Variants in RASGRP3 observed in about 807,000 individuals in gnomAD.
The protein encoded by RASGRP3 is ras guanyl-releasing protein 3.
A neutral mutation model predicts 82.7 loss-of-function variants in RASGRP3; 54 were observed. The observed-to-expected ratio is 0.65, with a 90% confidence interval of 0.52 to 0.82. The LOEUF (loss-of-function observed/expected upper bound fraction) is 0.82, where lower values mean the gene tolerates loss of function less well. RASGRP3 is among the 40% of genes least tolerant of loss of function. The probability of loss-of-function intolerance (pLI) is 0.00; values close to 1 mark genes in which losing one functional copy is unlikely to be tolerated. For missense variants in RASGRP3, 861 were observed against 828.9 expected (o/e 1.04, Z -0.48); for synonymous variants, 309 against 300.5 (o/e 1.03, Z -0.29).
chr2:33,511,204 C>G (rs1246158639), intron 1 of RASGRP3, among the ~76,000 whole-genome samples: 1 of 152,112 alleles, frequency 6.6e-6, no homozygotes, highest in Non-Finnish European at 1.5e-5. Flanking sequence ...CAGAGAGTAC[C>G]TATCAACACC....
intron 1 of RASGRP3, among the ~76,000 whole-genome samples, chr2:33,510,351 A>G (rs1250955073): frequency 1.3e-5 from 2 of 152,232 alleles, no homozygotes; most frequent in Non-Finnish European, 2.9e-5. Context: ...TTCTAGAGCC[A>G]AGAGAAAGCT....
intron 2 of RASGRP3, among the ~76,000 whole-genome samples, chr2:33,450,240 G>A (rs942622654): frequency 5.3e-5 from 8 of 152,030 alleles, no homozygotes; most frequent in African/African-American, 1.9e-4. Context: ...CATTATTTTT[G>A]TGGTGAGAAC....
intron 15 of RASGRP3, among the ~76,000 whole-genome samples, chr2:33,556,795 GA>G (rs1388613474): frequency 2.6e-5 from 4 of 151,300 alleles, no homozygotes; most frequent in Admixed American, 6.6e-5. Context: ...GTCTAACTTA[GA>G]TTTTTACTTT....
At chr2:33,531,727 A>G (rs1318348913) in intron 10 of RASGRP3, 2 of 152,192 alleles carry the variant, frequency 1.3e-5, no homozygotes, top group Non-Finnish European at 2.9e-5. Flanking sequence ...AAACATTTCC[A>G]TCGCTGAGCC....
At chr2:33,502,672 C>A (rs769824346) in intron 1 of RASGRP3, among the ~76,000 whole-genome samples, 5 of 151,872 alleles carry the variant, frequency 3.3e-5, no homozygotes, top group Admixed American at 6.6e-5. Flanking sequence ...ACCACCACAC[C>A]CAGCTAATTT....
rs62148986 is a variant in RASGRP3 at position 33,524,986 on chromosome 2, C to T, written c.807+438C>T. Among the ~76,000 whole-genome samples the T allele has an allele frequency of 7.7e-4, 115 of 148,446 alleles. 1 individual carries two copies. Among genetic ancestry groups the T allele is most frequent in the Admixed American group, 1.3e-3 (19 of 14,414 alleles). On this transcript the variant is annotated intron_variant, in intron 9 of 17. Transcript: ENST00000403687. ...GTCCCAGTTACTGGGGAGGCTGAGG[C>T]AGGAGAATGGCATGAACCTGGGAGG...
At chr2:33,561,777 G>A (rs1174352583) in intron 17 of RASGRP3, among the ~76,000 whole-genome samples, 2 of 152,146 alleles carry the variant, frequency 1.3e-5, no homozygotes, top group African/African-American at 4.8e-5. Flanking sequence ...CTCCAACGGA[G>A]TTCCAGGATT....
chr2:33,513,117 A>G (rs1338005024), intron 2 of RASGRP3, among the ~76,000 whole-genome samples: 1 of 152,212 alleles, frequency 6.6e-6, no homozygotes, highest in African/African-American at 2.4e-5. Flanking sequence ...TTCACAAATC[A>G]TTTCAGCAGC....
chr2:33,558,162 A>C (rs899111649), intron 15 of RASGRP3, 49 bp from the exon 16 acceptor site: 1 of 1,586,136 alleles, frequency 6.3e-7, no homozygotes, highest in Admixed American at 1.8e-5. Context: ...TGGAAACTGA[A>C]TCAACATCAG....
At chr2:33,548,286 G>A (rs1450897940) in intron 13 of RASGRP3, among the ~76,000 whole-genome samples, 1 of 150,502 alleles carries the variant, frequency 6.6e-6, no homozygotes, top group Non-Finnish European at 1.5e-5. Flanking sequence ...GCGTGAACCT[G>A]GGAGGCGGAG....
At position 33,549,608 on chromosome 2, in the gene RASGRP3, G is replaced by T. The variant is rs1675176895; in HGVS notation, c.1399G>T (p.Gly467Cys). Residue 467 changes from glycine to cysteine, a missense_variant, in exon 14 of 18, where the codon GGC becomes TGC. Coordinates refer to ENST00000403687, the MANE Select transcript of RASGRP3 (RefSeq NM_001139488.2). ...CTTCTTTGATTCTCTTAACAGGGAT[G>T]GCCTAATTAGTAAAGATGAAATGAT... ...SFCVLDKDQDGLISKDEMMAY... is the reference protein window; with the variant it reads ...SFCVLDKDQDCLISKDEMMAY... 1.2e-6 allele frequency: 2 copies of T among 1,611,960 alleles called. No homozygotes were observed. Among genetic ancestry groups the T allele is most frequent in the Non-Finnish European group, 1.7e-6 (2 of 1,178,846 alleles).
intron 11 of RASGRP3, among the ~76,000 whole-genome samples, chr2:33,537,068 G>C (rs545021679): frequency 1.3e-5 from 2 of 152,158 alleles, no homozygotes; most frequent in South Asian, 4.2e-4. Context: ...TGGACTTGAA[G>C]GATGGTGAAG....
chr2:33,505,168 C>T (rs1670245719), intron 1 of RASGRP3, among the ~76,000 whole-genome samples: 1 of 151,810 alleles, frequency 6.6e-6, no homozygotes, highest in African/African-American at 2.4e-5. Flanking sequence ...ACCACCACCA[C>T]CACCACCACC....
At position 33,529,487 on chromosome 2, in the gene RASGRP3, C is replaced by CAAAAAAA. The variant is rs56664748; in HGVS notation, c.1083+2082_1083+2088dup. Among the ~76,000 whole-genome samples the CAAAAAAA allele has an allele frequency of 1.5e-3, 84 of 57,044 alleles. 5 individuals carry two copies. The highest frequency in any genetic ancestry group is 6.4e-3 in the African/African-American group (69 of 10,814). The allele number at this position is 57,044 out of a possible 152,430, so 37.4% of individuals were successfully genotyped here. ...TGGGCGACAGAGCGAGACTCCATCT[C>CAAAAAAA]AAAAAAAAAAAAATTCAGGAGTACA... is the stretch of plus-strand genomic sequence containing the variant. On this transcript the variant is annotated intron_variant, in intron 10 of 17. Coordinates refer to ENST00000403687, the MANE Select transcript of RASGRP3 (RefSeq NM_001139488.2).
upstream of RASGRP3, among the ~76,000 whole-genome samples, chr2:33,472,075 ACTTTT>A (rs1195628344): frequency 6.6e-6 from 1 of 151,954 alleles, no homozygotes; most frequent in African/African-American, 2.4e-5. Context: ...AGTTTTGCAA[ACTTTT>A]CTTATATTTT....
intron 17 of RASGRP3, chr2:33,559,768 A>G (rs928361434): frequency 1.2e-5 from 5 of 405,814 alleles, no homozygotes; most frequent in African/African-American, 1.0e-4. Flanking sequence ...TTGTTCTCAT[A>G]AACAGAATAT....
At chr2:33,561,169 C>T (rs916069608) in intron 17 of RASGRP3, among the ~76,000 whole-genome samples, 3 of 151,978 alleles carry the variant, frequency 2.0e-5, no homozygotes, top group East Asian at 1.9e-4. Flanking sequence ...CAGGTTCAAG[C>T]GATTCTCCTG....
chr2:33,486,699 G>C (rs1352225525), intron 1 of RASGRP3, among the ~76,000 whole-genome samples: 1 of 152,208 alleles, frequency 6.6e-6, no homozygotes, highest in African/African-American at 2.4e-5. Flanking sequence ...ATGAACCAGG[G>C]ATGATTCCCT....
At chr2:33,510,570 C>T (rs1464806226) in intron 1 of RASGRP3, among the ~76,000 whole-genome samples, 5 of 152,196 alleles carry the variant, frequency 3.3e-5, no homozygotes. Flanking sequence ...ACCTCTCTCC[C>T]TTTCGCTTCT....
Sources: allele counts gnomAD v4.1 joint callset (sites outside exome capture counted in the v4.1 genomes callset), GRCh38; gene constraint gnomAD v4.1.1; transcripts MANE v1.5; gene names NCBI Gene and HGNC (gene_info 2026-07-23, HGNC 2026-07-21).